The following RUNX1T1 variants were observed in gnomAD, a reference collection of about 807,000 sequenced individuals.
RUNX1T1 encodes RUNX1 partner transcriptional co-repressor 1.
Under a neutral mutation model 62.8 loss-of-function variants are expected in RUNX1T1, and 4 were observed. The ratio of observed to expected loss-of-function variants is 0.06; its 90% CI spans 0.03 to 0.15. The LOEUF (loss-of-function observed/expected upper bound fraction) is 0.15, where lower values mean the gene tolerates loss of function less well. RUNX1T1 is among the 10% of genes least tolerant of loss of function. The pLI, the probability that RUNX1T1 is intolerant of heterozygous loss-of-function variation, is 1.00. For missense variants in RUNX1T1, 508 were observed against 754.3 expected (o/e 0.67, Z 3.82); for synonymous variants, 291 against 286.0 (o/e 1.02, Z -0.18).
chr8:92,011,194 A>G (rs1203782320), intron 3 of RUNX1T1, 103 bp from the exon 5 acceptor site: 1 of 649,444 alleles, frequency 1.5e-6, no homozygotes, highest in African/African-American at 1.8e-5. Context: ...TGTAATAACA[A>G]GCAAACATAC....
exon 1 of RUNX1T1, chr8:92,062,868 C>G: frequency 7.2e-7 from 1 of 1,380,608 alleles, no homozygotes; most frequent in Non-Finnish European, 9.4e-7. Context: ...CCCCTACCCT[C>G]CCCTTAGCAC....
At chr8:91,956,971 A>T (rs77776670), downstream of RUNX1T1, 10 of 133,788 alleles carry the variant, frequency 7.5e-5, no homozygotes, top group African/African-American at 2.7e-4. Context: ...ACCTACACAT[A>T]AAAAAAAAAA....
At chr8:92,102,930 C>A, upstream of RUNX1T1, 1 of 1,507,498 alleles carries the variant, frequency 6.6e-7, no homozygotes, top group South Asian at 1.2e-5. This position sits in a 1 kb window ranked among gnomAD's most constrained non-coding sequence, Gnocchi z 4.5. Flanking sequence ...GTCGTCTCGG[C>A]CGGCCCGCGG....
At chr8:91,980,200 T>A (rs901469426) in intron 8 of RUNX1T1, among the ~76,000 whole-genome samples, 1 of 152,158 alleles carries the variant, frequency 6.6e-6, no homozygotes. Context: ...CATATTTAAC[T>A]AATAGTCCCA....
chr8:92,099,602 C>T lies in RUNX1T1; in HGVS notation c.-108G>A, dbSNP rs1029192226. On this transcript the variant is annotated 5_prime_UTR_variant, in exon 1 of 12. Transcript: ENST00000265814. ...TACAGTAATAGACTCCGGCAAAATG[C>T]AACTGACTCCGTTTTTTTCACATGC... is the stretch of plus-strand genomic sequence containing the variant. 1.3e-5 allele frequency: 13 copies of T among 985,026 alleles called. No homozygotes were observed. In the African/African-American group the frequency reaches 1.9e-4, roughly 15 times the overall value. The allele number at this position is 985,026 out of a possible 1,614,324, so 61.0% of individuals were successfully genotyped here. A position where few individuals can be genotyped will look rare whatever the true frequency, so the allele number is the denominator to read the frequency against.
At chr8:91,956,371 C>T (rs1288616701), downstream of RUNX1T1, 2 of 230,608 alleles carry the variant, frequency 8.7e-6, no homozygotes, top group Non-Finnish European at 1.7e-5. Flanking sequence ...ACTCCTGTTA[C>T]AGAGCCACGC....
At chr8:92,089,096 A>G (rs1836582621) in intron 1 of RUNX1T1, among the ~76,000 whole-genome samples, 1 of 152,132 alleles carries the variant, frequency 6.6e-6, no homozygotes, top group Non-Finnish European at 1.5e-5. Flanking sequence ...AATCCCTGAC[A>G]TCCTAGTAAA....
At chr8:92,007,047 T>C (rs572313102) in intron 4 of RUNX1T1, among the ~76,000 whole-genome samples, 65 of 152,334 alleles carry the variant, frequency 4.3e-4, no homozygotes, top group Middle Eastern at 6.8e-3. Context: ...ATGTGGGTAA[T>C]ATATTGTATA....
At chr8:92,062,542 T>G in intron 1 of RUNX1T1, 3 of 1,613,956 alleles carry the variant, frequency 1.9e-6, no homozygotes, top group Non-Finnish European at 2.5e-6. Context: ...CAGGGCTAAC[T>G]CACCAGGCAT....
At chr8:92,080,053 T>C (rs989052320) in intron 1 of RUNX1T1, among the ~76,000 whole-genome samples, 1 of 152,004 alleles carries the variant, frequency 6.6e-6, no homozygotes, top group African/African-American at 2.4e-5. Flanking sequence ...TGAAATAATC[T>C]TAGTAACTTC....
chr8:92,077,052 C>G (rs1018213239), intron 1 of RUNX1T1, among the ~76,000 whole-genome samples: 2 of 151,914 alleles, frequency 1.3e-5, no homozygotes, highest in Non-Finnish European at 2.9e-5. Context: ...TTTTTTGAGA[C>G]CAAATTACTT....
chr8:92,048,091 C>G (rs983964425), intron 1 of RUNX1T1, among the ~76,000 whole-genome samples: 1 of 152,144 alleles, frequency 6.6e-6, no homozygotes, highest in African/African-American at 2.4e-5. Flanking sequence ...TGTTGTCAAA[C>G]GTTTAGCTCA....
At chr8:92,071,003 C>T (rs1833587769) in intron 2 of RUNX1T1, among the ~76,000 whole-genome samples, 1 of 152,174 alleles carries the variant, frequency 6.6e-6, no homozygotes, top group Non-Finnish European at 1.5e-5. Flanking sequence ...AGATAAAATC[C>T]TCTTATATTC....
rs562451395 is a variant in RUNX1T1 at position 92,020,058 on chromosome 8, T to C, written c.8-2695A>G. ...AATGGTTAGCTTCACTCTGATCAAA[T>C]GGAGTTCCAGCCCAGAGGTCCTACA... On this transcript the variant is annotated intron_variant, in intron 1 of 10. Coordinates refer to ENST00000396218, the Ensembl canonical transcript of RUNX1T1. Among the ~76,000 whole-genome samples, 35 of 152,290 alleles carry C rather than the reference T, an allele frequency of 2.3e-4. No individual in the cohort carries two copies. The South Asian group carries it at 7.1e-3, about 31-fold the overall frequency.
intron 1 of RUNX1T1, among the ~76,000 whole-genome samples, chr8:92,022,360 T>G (rs571913674): frequency 6.6e-6 from 1 of 152,236 alleles, no homozygotes; most frequent in Non-Finnish European, 1.5e-5. Context: ...GCAACTAACT[T>G]ATATAGAATG....
intron 8 of RUNX1T1, among the ~76,000 whole-genome samples, chr8:91,976,863 C>T (rs951208398): frequency 7.9e-5 from 12 of 152,010 alleles, no homozygotes; most frequent in Admixed American, 2.0e-4. Flanking sequence ...TAGAAGAGTT[C>T]GGTAAGAAAA....
chr8:92,100,738 T>G (rs988234986), upstream of RUNX1T1, among the ~76,000 whole-genome samples: 2 of 152,232 alleles, frequency 1.3e-5, no homozygotes, highest in African/African-American at 4.8e-5. Flanking sequence ...TAACCCTATC[T>G]TTATTATCTG....
chr8:92,098,629 G>A (rs1837895410), intron 1 of RUNX1T1, among the ~76,000 whole-genome samples: 1 of 152,048 alleles, frequency 6.6e-6, no homozygotes, highest in African/African-American at 2.4e-5. Flanking sequence ...TCAAAACCAA[G>A]TGCCTAGCAG....
chr8:92,060,553 A>ATATGTGTGTGTGTG, intron 1 of RUNX1T1, among the ~76,000 whole-genome samples: 6 of 63,960 alleles, frequency 9.4e-5, no homozygotes, highest in African/African-American at 2.9e-4. Context: ...ATATATATAT[A>ATATGTGTGTGTGTG]TGTGTGTGTG....
Sources: gnomAD v4.1 joint callset for allele counts (sites outside exome capture counted in the v4.1 genomes callset) on GRCh38, gnomAD v4.1.1 for gene constraint, Gnocchi (gnomAD v3.1) non-coding constraint, MANE v1.5 for transcripts, NCBI Gene and HGNC (gene_info 2026-07-23, HGNC 2026-07-21) for gene names.